Variants in CRHR2 observed in about 807,000 individuals in gnomAD.
CRHR2 encodes the protein corticotropin-releasing hormone receptor 2.
In CRHR2, 53 loss-of-function variants were observed where a neutral mutation model predicts 57.9. The ratio of observed to expected loss-of-function variants is 0.92; its 90% CI spans 0.73 to 1.15. The LOEUF is 1.15. Ranked by LOEUF, CRHR2 falls within the 50% of genes most tolerant of loss-of-function variation. The pLI is 0.00. For synonymous variants in CRHR2, 213 were observed against 220.9 expected (o/e 0.96, Z 0.32); for missense variants, 532 against 542.6 (o/e 0.98, Z 0.19).
At chr7:30,696,531 C>T (rs1785061123) in intron 1 of CRHR2, among the ~76,000 whole-genome samples, 1 of 152,060 alleles carries the variant, frequency 6.6e-6, no homozygotes, top group Non-Finnish European at 1.5e-5. Flanking sequence ...ACCATCCTGG[C>T]CAACATGGTG....
At chr7:30,687,326 A>G (rs1274909595), upstream of CRHR2, among the ~76,000 whole-genome samples, 1 of 152,116 alleles carries the variant, frequency 6.6e-6, no homozygotes, top group East Asian at 1.9e-4. Flanking sequence ...GCTGCTAGGC[A>G]GCGTCACAAG....
chr7:30,697,719 A>G (rs1258348422), intron 1 of CRHR2, among the ~76,000 whole-genome samples: 1 of 152,122 alleles, frequency 6.6e-6, no homozygotes, highest in African/African-American at 2.4e-5. Context: ...ACAGCTCTGC[A>G]GTCTCCCACA....
chr7:30,682,234 A>G lies in CRHR2; in HGVS notation c.47T>C (p.Leu16Pro), dbSNP rs1331001611. The G allele has an allele frequency of 6.3e-7, 1 of 1,590,104 alleles. No homozygotes were observed. The highest frequency in any genetic ancestry group is 1.1e-5 in the South Asian group (1 of 88,558). Residue 16 changes from leucine to proline, a missense_variant, in exon 1 of 12, where the codon CTG becomes CCG. Coordinates refer to ENST00000471646, the MANE Select transcript of CRHR2 (RefSeq NM_001883.5). Reference sequence around the variant, plus strand: ...CAAGAGCAGCTCTTCAGCCAGCGCCAGGCTGCAGTTGGCCTCCAGCAGGCT... The same window carrying G: ...CAAGAGCAGCTCTTCAGCCAGCGCCGGGCTGCAGTTGGCCTCCAGCAGGCT... ...LHSLLEANCS[L>P]ALAEELLLDG...
At chr7:30,669,085 C>A (rs913450797) in intron 2 of CRHR2, among the ~76,000 whole-genome samples, 2 of 152,116 alleles carry the variant, frequency 1.3e-5, no homozygotes, top group Non-Finnish European at 2.9e-5. Context: ...ACAGTCCCTC[C>A]CTGATGGGGG....
chr7:30,695,602 C>G (rs1785042135), intron 1 of CRHR2, among the ~76,000 whole-genome samples: 1 of 152,174 alleles, frequency 6.6e-6, no homozygotes, highest in African/African-American at 2.4e-5. Context: ...AACTGGCCAG[C>G]AGGAGGTCCC....
At chr7:30,659,946 CTCTT>C (rs1783932683) in intron 8 of CRHR2, among the ~76,000 whole-genome samples, 2 of 152,204 alleles carry the variant, frequency 1.3e-5, no homozygotes, top group African/African-American at 4.8e-5. Context: ...TTATCTCTCT[CTCTT>C]TTTTTTAAAG....
Position 30,680,818 on chromosome 7 carries a change from T to TTGTGTGTGTGTGTGTG in CRHR2, c.229+1081_229+1096dup, listed in dbSNP as rs60568949. 1.7e-3 allele frequency among the ~76,000 whole-genome samples: 249 copies of TTGTGTGTGTGTGTGTG among 145,474 alleles called. 2 individuals carry two copies. The highest frequency in any genetic ancestry group is 6.2e-3 in the African/African-American group (239 of 38,770). ...GCCCTCAGCCTCAGCTTCTGAAAGCTTGTGTGTGTGTGTGTGTGTGTGTGT... is the reference window on the plus strand; with the variant it reads ...GCCCTCAGCCTCAGCTTCTGAAAGCTTGTGTGTGTGTGTGTGTGTGTGTGTGTGTGTGTGTGTGTGT... On this transcript the variant is annotated intron_variant, in intron 2 of 11. Transcript: ENST00000471646.
chr7:30,697,292 TG>T (rs1459244173), intron 1 of CRHR2, among the ~76,000 whole-genome samples: 1 of 152,242 alleles, frequency 6.6e-6, no homozygotes, highest in South Asian at 2.1e-4. Context: ...CCTGAGACCC[TG>T]GGGGGTGTCT....
At chr7:30,700,085 T>A in exon 1 of CRHR2, 1 of 1,259,882 alleles carries the variant, frequency 7.9e-7, no homozygotes, top group Non-Finnish European at 1.0e-6. Flanking sequence ...AGCACGGTGG[T>A]CACACCCTGG....
At chr7:30,666,548 C>A (rs370958644) in intron 3 of CRHR2, among the ~76,000 whole-genome samples, 10 of 152,330 alleles carry the variant, frequency 6.6e-5, no homozygotes, top group East Asian at 5.8e-4. Context: ...CCCTGCAGAA[C>A]CCCTGTGGCT....
chr7:30,678,813 A>G (rs907042182), intron 2 of CRHR2, among the ~76,000 whole-genome samples: 56 of 152,178 alleles, frequency 3.7e-4, no homozygotes, highest in African/African-American at 1.3e-3. Context: ...CAAATGCCCA[A>G]GGTTGCTGGC....
At chr7:30,687,598 A>G (rs1784881358) in intron 2 of CRHR2, among the ~76,000 whole-genome samples, 1 of 152,162 alleles carries the variant, frequency 6.6e-6, no homozygotes, top group Non-Finnish European at 1.5e-5. Context: ...TTTGTGCCCA[A>G]TTTTATAGAA....
At chr7:30,657,704 A>T (rs776582078) in intron 8 of CRHR2, among the ~76,000 whole-genome samples, 3 of 152,088 alleles carry the variant, frequency 2.0e-5, no homozygotes, top group African/African-American at 7.2e-5. Context: ...TTATTCATCT[A>T]TCCATCTATC....
At chr7:30,668,062 A>G (rs539644332) in intron 2 of CRHR2, among the ~76,000 whole-genome samples, 1 of 152,326 alleles carries the variant, frequency 6.6e-6, no homozygotes, top group East Asian at 1.9e-4. Flanking sequence ...CTACCACGAG[A>G]TGTTTCTAAA....
chr7:30,699,007 T>C (rs1446602622), intron 1 of CRHR2, among the ~76,000 whole-genome samples: 2 of 152,170 alleles, frequency 1.3e-5, no homozygotes, highest in African/African-American at 2.4e-5. Context: ...CTTATACGTA[T>C]AGGGACACTA....
chr7:30,691,216 C>T (rs746552977), intron 1 of CRHR2, among the ~76,000 whole-genome samples: 6 of 152,196 alleles, frequency 3.9e-5, no homozygotes, highest in Non-Finnish European at 7.3e-5. Context: ...CTTTATGGCG[C>T]CCATCGCCCT....
At chr7:30,676,190 C>T (rs890127861) in intron 2 of CRHR2, among the ~76,000 whole-genome samples, 2 of 152,186 alleles carry the variant, frequency 1.3e-5, no homozygotes, top group African/African-American at 2.4e-5. Flanking sequence ...GCTCTGCAGC[C>T]GGGCAGCTCT....
chr7:30,659,869 T>C (rs1783928699), intron 8 of CRHR2, among the ~76,000 whole-genome samples: 1 of 152,258 alleles, frequency 6.6e-6, no homozygotes, highest in African/African-American at 2.4e-5. Context: ...CTGAAATTAC[T>C]GAGCCTGAAA....
At chr7:30,674,963 G>A (rs960317113) in intron 2 of CRHR2, among the ~76,000 whole-genome samples, 1 of 152,116 alleles carries the variant, frequency 6.6e-6, no homozygotes, top group South Asian at 2.1e-4. Flanking sequence ...ATGGCCCCAC[G>A]AGGTCAGCAT....
Sources: allele counts gnomAD v4.1 joint callset (sites outside exome capture counted in the v4.1 genomes callset), GRCh38; gene constraint gnomAD v4.1.1; transcripts MANE v1.5; gene names NCBI Gene and HGNC (gene_info 2026-07-23, HGNC 2026-07-21).